The following NRG4 variants were observed in gnomAD, a reference collection of about 807,000 sequenced individuals.
The protein encoded by NRG4 is pro-neuregulin-4, membrane-bound isoform.
A neutral mutation model predicts 15.0 loss-of-function variants in NRG4; 10 were observed. The ratio of observed to expected loss-of-function variants is 0.67; its 90% CI spans 0.41 to 1.13. The LOEUF is 1.13. Among genes scored for constraint, NRG4 ranks in the 50% most tolerant of loss-of-function variants. The probability of loss-of-function intolerance (pLI) is 0.00; values close to 1 mark genes in which losing one functional copy is unlikely to be tolerated. For missense variants in NRG4, 139 were observed against 140.2 expected (o/e 0.99, Z 0.04); for synonymous variants, 41 against 50.1 (o/e 0.82, Z 0.77).
chr15:76,031,477 C>T (rs1356080203), intron 5 of NRG4, among the ~76,000 whole-genome samples: 2 of 152,170 alleles, frequency 1.3e-5, no homozygotes, highest in Non-Finnish European at 2.9e-5. Context: ...CATCTGAGGT[C>T]GGGAGTTCAA....
intron 5 of NRG4, among the ~76,000 whole-genome samples, chr15:75,946,604 C>G (rs2031531010): frequency 6.6e-6 from 1 of 152,214 alleles, no homozygotes; most frequent in Non-Finnish European, 1.5e-5. Context: ...CGTGATCCGC[C>G]TGCCTCAGCC....
intron 3 of NRG4, among the ~76,000 whole-genome samples, chr15:76,005,181 A>C (rs2034552047): frequency 6.6e-6 from 1 of 151,628 alleles, no homozygotes; most frequent in African/African-American, 2.4e-5. Flanking sequence ...TGATGCCAGG[A>C]GTTTGAGACC....
chr15:75,950,066 T>C (rs1313540850), intron 5 of NRG4, among the ~76,000 whole-genome samples: 1 of 152,222 alleles, frequency 6.6e-6, no homozygotes, highest in Non-Finnish European at 1.5e-5. Flanking sequence ...ATTTGAGAAC[T>C]GACACCTTAC....
At chr15:76,035,004 C>T (rs1408272902) in intron 5 of NRG4, among the ~76,000 whole-genome samples, 1 of 152,220 alleles carries the variant, frequency 6.6e-6, no homozygotes, top group African/African-American at 2.4e-5. Flanking sequence ...CAGAGCCAGC[C>T]TGCCATTGAA....
intron 5 of NRG4, among the ~76,000 whole-genome samples, chr15:76,032,630 T>G (rs1413129782): frequency 6.6e-6 from 1 of 152,246 alleles, no homozygotes; most frequent in East Asian, 1.9e-4. Flanking sequence ...TATCTATTCT[T>G]CTTTGCCACA....
chr15:75,998,479 A>C lies in NRG4; in HGVS notation c.104+10721T>G, dbSNP rs923129839. ...ACAGAAAGGCCAGGCCAACACCTTA[A>C]GTCTGGAACTTTCCTGGCATCAGGG... On this transcript the variant is annotated intron_variant, in intron 3 of 5. Transcript: ENST00000394907. 2.6e-5 allele frequency among the ~76,000 whole-genome samples: 4 copies of C among 152,290 alleles called. No homozygotes were observed. The East Asian group carries it at 7.7e-4, about 29-fold the overall frequency.
chr15:75,998,267 C>A (rs2034283792), intron 3 of NRG4, among the ~76,000 whole-genome samples: 1 of 151,930 alleles, frequency 6.6e-6, no homozygotes, highest in African/African-American at 2.4e-5. Context: ...TGGGGAGATA[C>A]AATGTAAAGT....
chr15:76,029,198 C>A (rs1694261), intron 5 of NRG4, among the ~76,000 whole-genome samples: 1 of 152,046 alleles, frequency 6.6e-6, no homozygotes, highest in Non-Finnish European at 1.5e-5. Flanking sequence ...AGGAGAAAAA[C>A]CATACGATCA....
At chr15:75,960,854 G>C (rs1252402416) in intron 4 of NRG4, among the ~76,000 whole-genome samples, 4 of 152,146 alleles carry the variant, frequency 2.6e-5, no homozygotes, top group African/African-American at 9.7e-5. Flanking sequence ...GAAGTAGTCA[G>C]ATGCTAAAAT....
At chr15:75,969,294 T>C (rs1418694200) in intron 3 of NRG4, 4 of 450,374 alleles carry the variant, frequency 8.9e-6, no homozygotes, top group African/African-American at 4.0e-5. Flanking sequence ...TATTCCTACA[T>C]AGAAAATGAA....
intron 4 of NRG4, among the ~76,000 whole-genome samples, chr15:76,037,798 G>A (rs2035628544): frequency 6.6e-6 from 1 of 152,176 alleles, no homozygotes; most frequent in Non-Finnish European, 1.5e-5. Flanking sequence ...GCCACAAGCT[G>A]TATTGCCTGG....
chr15:75,963,294 G>A (rs1246717900), intron 3 of NRG4, among the ~76,000 whole-genome samples: 1 of 152,082 alleles, frequency 6.6e-6, no homozygotes, highest in Non-Finnish European at 1.5e-5. Context: ...ATAAGATTAA[G>A]GGGACATAGG....
chr15:76,055,412 C>G (rs1042885723), intron 2 of NRG4, among the ~76,000 whole-genome samples: 3 of 152,170 alleles, frequency 2.0e-5, no homozygotes, highest in Admixed American at 2.0e-4. Flanking sequence ...TTTAAGTAAT[C>G]AAGTTCTGTC....
At position 75,963,073 on chromosome 15, in the gene NRG4, T is replaced by C. The variant is rs1004051896; in HGVS notation, c.105-1099A>G. Among the ~76,000 whole-genome samples, 14 of 152,314 alleles carry C rather than the reference T, an allele frequency of 9.2e-5. No homozygotes were observed. The East Asian group carries it at 2.7e-3, about 29-fold the overall frequency. ...CTACTAGCTTTGATAACTAATGTGA[T>C]AGTCTAATAAAGCAGTATACAAACA... On this transcript the variant is annotated intron_variant, in intron 3 of 5. Coordinates refer to ENST00000394907, the MANE Select transcript of NRG4 (RefSeq NM_138573.4).
intron 3 of NRG4, among the ~76,000 whole-genome samples, chr15:76,005,273 T>C (rs1397836058): frequency 6.6e-6 from 1 of 151,736 alleles, no homozygotes; most frequent in Non-Finnish European, 1.5e-5. Context: ...TCCCAGCTTC[T>C]TGGGAGGCTG....
In NRG4 at chr15:75,977,645, G is replaced by A. The variant is rs1221995135; in HGVS notation, c.105-15671C>T. ...CGGCTCACCCTCTGTGGGCTGCATC[G>A]ACTGTCTAACCAGTCCCAGTGAGAT... On this transcript the variant is annotated intron_variant, in intron 3 of 5. Coordinates refer to ENST00000394907, the MANE Select transcript of NRG4 (RefSeq NM_138573.4). This position sits in a 1 kb window ranked among gnomAD's most constrained non-coding sequence, Gnocchi z 4.9. Among the ~76,000 whole-genome samples the A allele has an allele frequency of 3.3e-5, 5 of 151,982 alleles. No individual in the cohort carries two copies. Among genetic ancestry groups the A allele is most frequent in the Non-Finnish European group, 5.9e-5 (4 of 68,002 alleles).
intron 3 of NRG4, among the ~76,000 whole-genome samples, chr15:75,970,580 T>A (rs1567083105): frequency 6.6e-6 from 1 of 152,230 alleles, no homozygotes; most frequent in Non-Finnish European, 1.5e-5. Flanking sequence ...AGGGCCCTGG[T>A]GAAACCAGAC....
chr15:75,947,256 T>C (rs2031586278), intron 5 of NRG4, among the ~76,000 whole-genome samples: 1 of 152,222 alleles, frequency 6.6e-6, no homozygotes, highest in Admixed American at 6.5e-5. Flanking sequence ...AGATATATGA[T>C]GTGTGAACAA....
chr15:76,027,914 G>T (rs916078919), intron 5 of NRG4, among the ~76,000 whole-genome samples: 1 of 152,044 alleles, frequency 6.6e-6, no homozygotes, highest in Non-Finnish European at 1.5e-5. Context: ...ACACCACCCT[G>T]CTGAACGACC....
Sources: gnomAD v4.1 joint callset for allele counts (sites outside exome capture counted in the v4.1 genomes callset) on GRCh38, gnomAD v4.1.1 for gene constraint, Gnocchi (gnomAD v3.1) non-coding constraint, MANE v1.5 for transcripts, NCBI Gene and HGNC (gene_info 2026-07-23, HGNC 2026-07-21) for gene names.